MCTP1: variants seen among roughly 807,000 people sequenced by gnomAD.
MCTP1 encodes the protein multiple C2 and transmembrane domain containing 1.
Under a neutral mutation model 120.6 loss-of-function variants are expected in MCTP1, and 69 were observed. The ratio of observed to expected loss-of-function variants is 0.57; its 90% confidence interval spans 0.47 to 0.70. The LOEUF is 0.70. Ranked by LOEUF, MCTP1 falls within the 30% of genes least tolerant of loss-of-function variation. MCTP1 has a pLI of 0.00. For missense variants in MCTP1, 1,203 were observed against 1,248.8 expected, an observed-to-expected ratio of 0.96 and a Z score of 0.55; for synonymous variants, 529 against 493.1, an observed-to-expected ratio of 1.07 and a Z score of -0.96.
At chr5:94,910,682 T>G (rs1808318857) in intron 9 of MCTP1, among the ~76,000 whole-genome samples, 1 of 152,170 alleles carries the variant, frequency 6.6e-6, no homozygotes, top group Non-Finnish European at 1.5e-5. Context: ...AGCAGAACTA[T>G]AAAAATAAGT....
chr5:94,719,661 C>T (rs1760396770), intron 19 of MCTP1, among the ~76,000 whole-genome samples: 1 of 152,064 alleles, frequency 6.6e-6, no homozygotes, highest in South Asian at 2.1e-4. Flanking sequence ...CTGGGATCTG[C>T]AGGTGGTGTG....
At position 94,972,730 on chromosome 5, in the gene MCTP1, CA is replaced by C; in HGVS notation, c.839-19370del. On this transcript the variant is annotated intron_variant, in intron 2 of 22. Transcript: ENST00000515393. ...TCATTCTAATTAAGAAACAACTTTTCAAATAGATTTTCCTTCTAGAAAAGCA... is the reference window on the plus strand; with the variant it reads ...TCATTCTAATTAAGAAACAACTTTTCAATAGATTTTCCTTCTAGAAAAGCA... Among the ~76,000 whole-genome samples, 2 of 152,096 alleles carry C rather than the reference CA, an allele frequency of 1.3e-5. 1 individual carries two copies. Among genetic ancestry groups the C allele is most frequent in the African/African-American group, 4.8e-5 (2 of 41,426 alleles).
intron 1 of MCTP1, among the ~76,000 whole-genome samples, chr5:95,023,392 A>AAAAG (rs926330740): frequency 6.6e-6 from 1 of 152,248 alleles, no homozygotes; most frequent in African/African-American, 2.4e-5. Context: ...TAACAAAAAC[A>AAAAG]AAAGATGGAT....
intron 2 of MCTP1, among the ~76,000 whole-genome samples, chr5:94,984,197 T>C (rs1830045456): frequency 6.6e-6 from 1 of 152,224 alleles, no homozygotes; most frequent in Admixed American, 6.5e-5. Context: ...CTGTCTCCCA[T>C]TCTTCTCTAT....
chr5:95,125,590 T>A (rs1758562075), intron 1 of MCTP1, among the ~76,000 whole-genome samples: 1 of 152,248 alleles, frequency 6.6e-6, no homozygotes, highest in Admixed American at 6.5e-5. Flanking sequence ...AATCAGTGTC[T>A]TGTTTTACTC....
chr5:94,757,737 C>T (rs1334870007), intron 19 of MCTP1, among the ~76,000 whole-genome samples: 2 of 152,152 alleles, frequency 1.3e-5, no homozygotes, highest in African/African-American at 2.4e-5. Context: ...CTGCTTGTTG[C>T]ATGGATGGAT....
At chr5:94,809,548 T>C (rs1379361495) in intron 17 of MCTP1, among the ~76,000 whole-genome samples, 1 of 152,124 alleles carries the variant, frequency 6.6e-6, no homozygotes, top group Non-Finnish European at 1.5e-5. Flanking sequence ...TCTGTTACCT[T>C]TGTAGTTTGT....
intron 1 of MCTP1, among the ~76,000 whole-genome samples, chr5:95,193,500 C>T (rs778614104): frequency 1.3e-5 from 2 of 152,062 alleles, no homozygotes; most frequent in African/African-American, 2.4e-5. Context: ...GTTAAAACAG[C>T]CTGATTAAGA....
At chr5:94,888,060 G>A (rs182162778) in intron 12 of MCTP1, among the ~76,000 whole-genome samples, 226 of 23,956 alleles carry the variant, frequency 9.4e-3, no homozygotes, top group African/African-American at 0.038. Context: ...TTCAGAAACA[G>A]TGAAATTTGC....
chr5:94,790,036 C>T (rs906196639), intron 18 of MCTP1, among the ~76,000 whole-genome samples: 6 of 151,996 alleles, frequency 3.9e-5, no homozygotes, highest in Admixed American at 3.9e-4. Context: ...CTGAGGAGGA[C>T]CCACAGTGAG....
chr5:95,234,446 C>T (rs1052376107), intron 1 of MCTP1, among the ~76,000 whole-genome samples: 32 of 152,068 alleles, frequency 2.1e-4, no homozygotes, highest in East Asian at 7.7e-4. Flanking sequence ...TCCCTAGATT[C>T]GAATTTTTAT....
intron 1 of MCTP1, among the ~76,000 whole-genome samples, chr5:95,249,819 A>G (rs1757202879): frequency 6.6e-6 from 1 of 152,242 alleles, no homozygotes; most frequent in Non-Finnish European, 1.5e-5. Context: ...ATGGGATACT[A>G]TGCAGCCATA....
chr5:95,284,055 G>A lies in MCTP1; in HGVS notation c.521C>T (p.Pro174Leu). 2 of 1,534,088 alleles carry A rather than the reference G, an allele frequency of 1.3e-6. No individual in the cohort carries two copies. Among genetic ancestry groups the A allele is most frequent in the East Asian group, 2.5e-5 (1 of 39,876 alleles). Residue 174 changes from proline to leucine, a missense_variant, in exon 1 of 23, where the codon CCG (proline) becomes CTG (leucine). Coordinates refer to ENST00000515393, the MANE Select transcript of MCTP1 (RefSeq NM_024717.7). This position sits in a 1 kb window ranked among gnomAD's most constrained non-coding sequence, Gnocchi z 5.2. The part of the protein sequence containing the change: ...SSLSSSPQPP[P>L]RGDRARDEGA... ...CTCATCTCGGGCGCGGTCCCCCCTC[G>A]GGGGAGGCTGGGGCGAGGAGGACAG...
At chr5:95,002,008 T>C (rs1045671035) in intron 2 of MCTP1, among the ~76,000 whole-genome samples, 6 of 152,174 alleles carry the variant, frequency 3.9e-5, no homozygotes, top group Non-Finnish European at 8.8e-5. Flanking sequence ...GTACCCTGTG[T>C]CCCAGCTGCT....
chr5:94,741,573 C>T (rs1044458546), intron 19 of MCTP1, among the ~76,000 whole-genome samples: 4 of 152,210 alleles, frequency 2.6e-5, no homozygotes, highest in African/African-American at 9.7e-5. Context: ...TCAGACCTGG[C>T]AGCTACTTTG....
In MCTP1 at chr5:94,868,452, G is replaced by A; in HGVS notation, c.2317C>T (p.Leu773=). Residue 773 remains leucine, a splice_region_variant and synonymous_variant, in exon 17 of 23, where the codon CTG becomes TTG. Transcript: ENST00000515393. ...IEEENRLSKQ[L]LLRNFIRMKR... ...ATTCTGATAAAGTTTCTTAGTAGCA[G>A]CTGTAAGGAAAATGAAAATATTATT... 6.3e-7 allele frequency: 1 copy of A among 1,588,902 alleles called. No homozygotes were observed. The highest frequency in any genetic ancestry group is 8.6e-7 in the Non-Finnish European group (1 of 1,169,292).
rs78607984 is a variant in MCTP1, at chr5:94,844,738, A to T, written c.2436+23595T>A. On this transcript the variant is annotated intron_variant, in intron 17 of 22. Transcript: ENST00000515393. ...TCACAAGTTTTACTTTATATTGATG[A>T]TTTTCTAAAAATAGATCTTCACTAT... Among the ~76,000 whole-genome samples the T allele has an allele frequency of 3.8e-3, 578 of 152,208 alleles. 4 individuals are homozygous for T. The highest frequency in any genetic ancestry group is 0.013 in the African/African-American group (541 of 41,518).
chr5:95,230,720 T>C (rs1327585651), intron 1 of MCTP1, among the ~76,000 whole-genome samples: 1 of 152,218 alleles, frequency 6.6e-6, no homozygotes, highest in African/African-American at 2.4e-5. Context: ...ACACTAGGCA[T>C]ATATGGGTTT....
intron 1 of MCTP1, among the ~76,000 whole-genome samples, chr5:95,279,993 G>C (rs1273624656): frequency 6.6e-6 from 1 of 152,156 alleles, no homozygotes; most frequent in East Asian, 1.9e-4. Context: ...GTTTATAATA[G>C]GAATTATGTT....
Sources: gnomAD v4.1 joint callset for allele counts (sites outside exome capture counted in the v4.1 genomes callset) on GRCh38, gnomAD v4.1.1 for gene constraint, Gnocchi (gnomAD v3.1) non-coding constraint, MANE v1.5 for transcripts, NCBI Gene and HGNC (gene_info 2026-07-23, HGNC 2026-07-21) for gene names.